Variants in CSMD1 observed in about 807,000 individuals in gnomAD.
CSMD1 encodes CUB and Sushi multiple domains 1, also known as CUB and sushi domain-containing protein 1.
Under a neutral mutation model 417.5 loss-of-function variants are expected in CSMD1, and 213 were observed. The observed-to-expected ratio is 0.51, with a 90% CI of 0.46 to 0.57. The LOEUF (loss-of-function observed/expected upper bound fraction) is 0.57, where lower values mean the gene tolerates loss of function less well. Among genes scored for constraint, CSMD1 ranks in the 20% least tolerant of loss-of-function variants. The pLI, the probability that CSMD1 is intolerant of heterozygous loss-of-function variation, is 0.00. For synonymous variants in CSMD1, 2,862 were observed against 1,736.8 expected, an observed-to-expected ratio of 1.65 and a Z score of -16.11; for missense variants, 6,923 against 4,529.7, an observed-to-expected ratio of 1.53 and a Z score of -15.17.
chr8:3,061,365 G>A (rs930902738), intron 49 of CSMD1, among the ~76,000 whole-genome samples: 1 of 152,058 alleles, frequency 6.6e-6, no homozygotes, highest in African/African-American at 2.4e-5. Flanking sequence ...GCATTTTTCT[G>A]GTTTTTAAAT....
chr8:4,405,370 T>C lies in CSMD1; in HGVS notation c.415+14583A>G, dbSNP rs140683364. Among the ~76,000 whole-genome samples the C allele has an allele frequency of 6.4e-4, 98 of 152,314 alleles. 1 individual carries two copies. Among genetic ancestry groups the C allele is most frequent in the African/African-American group, 2.2e-3 (92 of 41,574 alleles). On this transcript the variant is annotated intron_variant, in intron 3 of 69. Transcript: ENST00000635120. Reference sequence around the variant, plus strand: ...TCCTAAGAATAGAAATGGTTTAGATTCTGGCACAAACTACTTGTTACCTGC... The same window carrying C: ...TCCTAAGAATAGAAATGGTTTAGATCCTGGCACAAACTACTTGTTACCTGC...
At chr8:3,575,662 A>G (rs13263218) in intron 9 of CSMD1, among the ~76,000 whole-genome samples, 130,323 of 152,074 alleles carry the variant, frequency 0.86, 56,147 homozygotes, top group Non-Finnish European at 0.88. Context: ...CACAACGCAA[A>G]TAGGAACTTA....
chr8:3,959,964 T>C (rs1302630572), intron 5 of CSMD1, among the ~76,000 whole-genome samples: 2 of 152,178 alleles, frequency 1.3e-5, no homozygotes, highest in African/African-American at 4.8e-5. Flanking sequence ...ACTTGAACAT[T>C]TACGAAATAA....
intron 2 of CSMD1, among the ~76,000 whole-genome samples, chr8:4,484,335 T>G (rs17070401): frequency 0.023 from 3,432 of 152,268 alleles, 135 homozygotes; most frequent in African/African-American, 0.079. Context: ...TTAAAAAATT[T>G]TAACATTGAG....
rs547019216 is a variant in CSMD1, at chr8:4,144,821, T to C, written c.416-112722A>G. 2.5e-3 allele frequency among the ~76,000 whole-genome samples: 380 copies of C among 151,086 alleles called. 26 individuals are homozygous for C. Among genetic ancestry groups the C allele is most frequent in the African/African-American group, 8.9e-3 (360 of 40,444 alleles). ...AGAGTTGCATCACCAAAAAGCAACA[T>C]TCGCAATCATTCACAATGCAGGGAA... On this transcript the variant is annotated intron_variant, in intron 3 of 69. Transcript: ENST00000635120.
At chr8:4,021,854 A>G (rs919021789) in intron 4 of CSMD1, among the ~76,000 whole-genome samples, 8 of 152,224 alleles carry the variant, frequency 5.3e-5, no homozygotes, top group African/African-American at 1.7e-4. Flanking sequence ...AGAGATAACA[A>G]TGAAATAGTG....
At position 4,884,065 on chromosome 8, in the gene CSMD1, G is replaced by A. The variant is rs1404863106; in HGVS notation, c.85+110267C>T. On this transcript the variant is annotated intron_variant, in intron 1 of 69. Coordinates refer to ENST00000635120, the MANE Select transcript of CSMD1 (RefSeq NM_033225.6). Reference sequence around the variant, plus strand: ...ATGGTGTCTCACTATGGTTGGATTTGCATTTCCCTGATGGCAAATGATATT... The same window carrying A: ...ATGGTGTCTCACTATGGTTGGATTTACATTTCCCTGATGGCAAATGATATT... Among the ~76,000 whole-genome samples the A allele has an allele frequency of 1.3e-5, 2 of 151,976 alleles. 1 individual carries two copies. The highest frequency in any genetic ancestry group is 4.8e-5 in the African/African-American group (2 of 41,364).
At chr8:3,649,831 G>A (rs1704549226) in intron 7 of CSMD1, among the ~76,000 whole-genome samples, 1 of 152,166 alleles carries the variant, frequency 6.6e-6, no homozygotes, top group Non-Finnish European at 1.5e-5. Flanking sequence ...GTCAGATTTT[G>A]CAATACCTTG....
At chr8:4,090,491 T>C (rs1368668143) in intron 3 of CSMD1, among the ~76,000 whole-genome samples, 2 of 152,184 alleles carry the variant, frequency 1.3e-5, no homozygotes, top group African/African-American at 4.8e-5. Flanking sequence ...CAGCTAGAAA[T>C]AACTCCTACT....
intron 3 of CSMD1, among the ~76,000 whole-genome samples, chr8:4,132,755 T>C (rs1019718454): frequency 6.6e-6 from 1 of 152,218 alleles, no homozygotes; most frequent in African/African-American, 2.4e-5. Context: ...ATAGTGTTGA[T>C]GTTCTCTACA....
chr8:4,026,958 C>A (rs1208477721), intron 4 of CSMD1, among the ~76,000 whole-genome samples: 7 of 152,162 alleles, frequency 4.6e-5, no homozygotes, highest in African/African-American at 1.2e-4. Context: ...TGAAAACCTA[C>A]TTTGCAGTGT....
chr8:4,277,166 T>G, intron 3 of CSMD1, among the ~76,000 whole-genome samples: 1 of 150,472 alleles, frequency 6.6e-6, no homozygotes, highest in Non-Finnish European at 1.5e-5. Flanking sequence ...TCCAACACTA[T>G]ACATACATAT....
At chr8:4,532,554 C>T (rs1422923492) in intron 2 of CSMD1, among the ~76,000 whole-genome samples, 2 of 147,482 alleles carry the variant, frequency 1.4e-5, no homozygotes, top group Non-Finnish European at 3.0e-5. Flanking sequence ...TTCAGAGTCA[C>T]TCTGGAAGAG....
intron 10 of CSMD1, among the ~76,000 whole-genome samples, chr8:3,547,221 T>C (rs1195179456): frequency 6.6e-6 from 1 of 152,196 alleles, no homozygotes; most frequent in African/African-American, 2.4e-5. Context: ...ACTTCGGCCT[T>C]AAATAAGTGA....
intron 1 of CSMD1, among the ~76,000 whole-genome samples, chr8:4,848,874 C>G (rs980461409): frequency 6.6e-6 from 1 of 152,168 alleles, no homozygotes; most frequent in Non-Finnish European, 1.5e-5. Context: ...TAATAAACAA[C>G]TATGTTTCTG....
rs112520082 is a variant in CSMD1 at position 2,937,788 on chromosome 8, C to G, written c.*797G>C. ...TGTGCCATATCTAGGAATACTTTTC[C>G]CTAACACTCCAACTAAGCTGATGGG... On this transcript the variant is annotated 3_prime_UTR_variant, in exon 70 of 70. Transcript: ENST00000635120. 5 of 152,668 alleles carry G rather than the reference C, an allele frequency of 3.3e-5. No homozygotes were observed. The highest frequency in any genetic ancestry group is 1.2e-4 in the African/African-American group (5 of 41,542). The allele number at this position is 152,668 out of a possible 1,614,324, so 9.5% of individuals were successfully genotyped here.
chr8:4,382,759 T>C (rs949617096), intron 3 of CSMD1, among the ~76,000 whole-genome samples: 1 of 152,216 alleles, frequency 6.6e-6, no homozygotes, highest in Non-Finnish European at 1.5e-5. Context: ...ACATTCTGTG[T>C]CTAAAAGAAA....
chr8:4,857,775 G>C (rs897465390), intron 1 of CSMD1, among the ~76,000 whole-genome samples: 2 of 151,912 alleles, frequency 1.3e-5, no homozygotes, highest in Non-Finnish European at 2.9e-5. Flanking sequence ...ATAATCAATA[G>C]CTTACCAACC....
At chr8:3,922,984 G>C (rs1039018326) in intron 5 of CSMD1, among the ~76,000 whole-genome samples, 4 of 152,146 alleles carry the variant, frequency 2.6e-5, no homozygotes, top group African/African-American at 7.2e-5. Context: ...CTGTTTCAGA[G>C]AAATCTCTAT....
Sources: allele counts gnomAD v4.1 joint callset (sites outside exome capture counted in the v4.1 genomes callset), GRCh38; gene constraint gnomAD v4.1.1; transcripts MANE v1.5; gene names NCBI Gene and HGNC (gene_info 2026-07-23, HGNC 2026-07-21).